Variants in NLRP4 observed in about 807,000 individuals in gnomAD.
The protein encoded by NLRP4 is NACHT, LRR and PYD domains-containing protein 4.
NLRP4 carries 44 observed loss-of-function variants against 84.7 expected under a neutral mutation model. The ratio of observed to expected loss-of-function variants is 0.52; its 90% CI spans 0.41 to 0.67. NLRP4 has a LOEUF of 0.67. Ranked by LOEUF, NLRP4 falls within the 30% of genes least tolerant of loss-of-function variation. NLRP4 has a pLI of 0.00. For synonymous variants in NLRP4, 544 were observed against 476.4 expected, an observed-to-expected ratio of 1.14 and a Z score of -1.85; for missense variants, 1,260 against 1,219.4, an observed-to-expected ratio of 1.03 and a Z score of -0.50.
At chr19:55,842,507 T>C (rs1406988387) in intron 1 of NLRP4, among the ~76,000 whole-genome samples, 1 of 150,284 alleles carries the variant, frequency 6.7e-6, no homozygotes, top group African/African-American at 2.5e-5. Flanking sequence ...AGAAGAACAT[T>C]AGAGCACTTG....
intron 1 of NLRP4, among the ~76,000 whole-genome samples, chr19:55,839,353 G>A (rs1983518377): frequency 6.8e-6 from 1 of 146,508 alleles, no homozygotes; most frequent in African/African-American, 2.5e-5. Context: ...ACATGCTTAT[G>A]CTCTCACACA....
At chr19:55,880,953 G>A (rs1036598101) in intron 9 of NLRP4, among the ~76,000 whole-genome samples, 1 of 152,196 alleles carries the variant, frequency 6.6e-6, no homozygotes, top group African/African-American at 2.4e-5. Context: ...TCGGATAATG[G>A]AAACTATTAA....
intron 1 of NLRP4, among the ~76,000 whole-genome samples, chr19:55,847,393 A>T (rs1484148547): frequency 1.3e-5 from 2 of 152,252 alleles, no homozygotes; most frequent in Non-Finnish European, 2.9e-5. Flanking sequence ...ATTGATTATC[A>T]TGAATGTTCC....
intron 1 of NLRP4, among the ~76,000 whole-genome samples, chr19:55,840,314 G>A (rs1983556028): frequency 6.6e-6 from 1 of 151,644 alleles, no homozygotes; most frequent in African/African-American, 2.4e-5. Flanking sequence ...ATTGTCGGGG[G>A]TGTGTGTGTA....
intron 2 of NLRP4, among the ~76,000 whole-genome samples, chr19:55,852,719 C>T (rs1476896781): frequency 1.3e-5 from 2 of 152,108 alleles, no homozygotes; most frequent in African/African-American, 2.4e-5. Context: ...TCAGGTGATC[C>T]ACCCATCTTG....
chr19:55,870,527 G>T (rs1283540891), intron 6 of NLRP4, among the ~76,000 whole-genome samples: 1 of 152,170 alleles, frequency 6.6e-6, no homozygotes, highest in Non-Finnish European at 1.5e-5. Context: ...GCGAGATGTG[G>T]TTGTGGGTGC....
chr19:55,881,450 C>G lies in NLRP4; in HGVS notation c.2868-20C>G. 8.2e-7 allele frequency: 1 copy of G among 1,220,418 alleles called. No individual in the cohort carries two copies. 75.6% of individuals were successfully genotyped at this position (1,220,418 alleles called of 1,614,324 possible). A position where few individuals can be genotyped will look rare whatever the true frequency, so the allele number is the denominator to read the frequency against. On this transcript the variant is annotated intron_variant, in intron 9 of 9. Coordinates refer to ENST00000301295, the MANE Select transcript of NLRP4 (RefSeq NM_134444.5). ...AAAGTATGTGAATTAAAAATAGAAC[C>G]TCTTAAAATATTTTACCAGGCTGAG...
At chr19:55,871,073 A>C in intron 7 of NLRP4, 76 bp downstream of exon 7, 2 of 1,299,540 alleles carry the variant, frequency 1.5e-6, no homozygotes, top group South Asian at 2.5e-5. Flanking sequence ...GGGCATCTGG[A>C]ATTGAGGAAG....
In NLRP4 at chr19:55,881,584, C is replaced by CTCTACCCTTG; in HGVS notation, c.2983_2984insCTACCCTTGT (p.Ter995SerfsTer27). The CTCTACCCTTG allele has an allele frequency of 6.6e-7, 1 of 1,511,484 alleles. No homozygotes were observed. The highest frequency in any genetic ancestry group is 9.2e-7 in the Non-Finnish European group (1 of 1,089,672). The allele number at this position is 1,511,484 out of a possible 1,614,324, so 93.6% of individuals were successfully genotyped here. ...GTGACACAATCACAAGGGTAGAGATCTGATTGCGAGGAACCTGGGCTCTGA... is the reference window on the plus strand; with the variant it reads ...GTGACACAATCACAAGGGTAGAGATCTCTACCCTTGTGATTGCGAGGAACCTGGGCTCTGA... On this transcript the variant is annotated frameshift_variant, in exon 10 of 10. Transcript: ENST00000301295. LOFTEE classifies it high-confidence loss of function.
At chr19:55,856,055 G>GC (rs1163371547) in intron 2 of NLRP4, among the ~76,000 whole-genome samples, 1 of 152,198 alleles carries the variant, frequency 6.6e-6, no homozygotes, top group Non-Finnish European at 1.5e-5. Flanking sequence ...TTACAGTGGT[G>GC]CAATCTCTGC....
chr19:55,867,919 G>A (rs760651590), intron 6 of NLRP4, 43 bp downstream of exon 6: 2 of 1,584,002 alleles, frequency 1.3e-6, no homozygotes, highest in East Asian at 2.2e-5. Context: ...GGCCATGGCG[G>A]CAGTTCAAAC....
At chr19:55,869,371 C>A (rs1281409188) in intron 6 of NLRP4, among the ~76,000 whole-genome samples, 1 of 103,088 alleles carries the variant, frequency 9.7e-6, no homozygotes, top group Admixed American at 1.2e-4. Flanking sequence ...CAAAAAAAAA[C>A]AAAAAATAAA....
At chr19:55,863,172 A>G (rs1301163150) in intron 5 of NLRP4, among the ~76,000 whole-genome samples, 1 of 152,138 alleles carries the variant, frequency 6.6e-6, no homozygotes, top group Non-Finnish European at 1.5e-5. Flanking sequence ...ACCTGGACAA[A>G]TCTCAGACAT....
At chr19:55,842,965 T>C (rs1458189693) in intron 1 of NLRP4, among the ~76,000 whole-genome samples, 1 of 151,130 alleles carries the variant, frequency 6.6e-6, no homozygotes, top group Non-Finnish European at 1.5e-5. Flanking sequence ...TTCACCGTGT[T>C]AGCCAGGATG....
At chr19:55,855,976 C>T (rs1472542999) in intron 2 of NLRP4, among the ~76,000 whole-genome samples, 1 of 152,222 alleles carries the variant, frequency 6.6e-6, no homozygotes, top group Admixed American at 6.5e-5. Flanking sequence ...GTAGCAGCTG[C>T]TTAAAATCAA....
intron 3 of NLRP4, 136 bp from the exon 4 acceptor site, chr19:55,861,250 G>A (rs1984737859): frequency 2.9e-6 from 2 of 696,190 alleles, no homozygotes; most frequent in Admixed American, 2.8e-5. Context: ...TACCTGAAGG[G>A]TCCCGTTCCT....
intron 7 of NLRP4, 47 bp downstream of exon 7, chr19:55,871,044 G>A: frequency 1.3e-6 from 2 of 1,541,654 alleles, no homozygotes; most frequent in East Asian, 2.3e-5. Context: ...CTTTTCAAGG[G>A]CATGCACTGC....
intron 6 of NLRP4, among the ~76,000 whole-genome samples, chr19:55,869,657 A>G (rs1289265322): frequency 6.6e-6 from 1 of 152,198 alleles, no homozygotes; most frequent in Non-Finnish European, 1.5e-5. Context: ...GATTTTGTTA[A>G]ACATAAAAAT....
At chr19:55,839,077 T>G (rs180997791) in intron 1 of NLRP4, among the ~76,000 whole-genome samples, 1 of 152,164 alleles carries the variant, frequency 6.6e-6, no homozygotes, top group East Asian at 1.9e-4. Flanking sequence ...TCATCTAGGT[T>G]TTAAGCCCCA....
Sources: gnomAD v4.1 joint callset for allele counts (sites outside exome capture counted in the v4.1 genomes callset) on GRCh38, gnomAD v4.1.1 for gene constraint, MANE v1.5 for transcripts, NCBI Gene and HGNC (gene_info 2026-07-23, HGNC 2026-07-21) for gene names.